COMMD10: variants seen among roughly 807,000 people sequenced by gnomAD.
COMMD10 encodes COMM domain containing 10.
COMMD10 carries 33 observed loss-of-function variants against 28.9 expected under a neutral mutation model. The observed-to-expected ratio is 1.14, with a 90% CI of 0.87 to 1.53. The LOEUF (loss-of-function observed/expected upper bound fraction) is 1.53, where lower values mean the gene tolerates loss of function less well. COMMD10 is among the 40% of genes most tolerant of loss of function. The pLI is 0.00. For missense variants in COMMD10, 310 were observed against 233.4 expected, an observed-to-expected ratio of 1.33 and a Z score of -2.14; for synonymous variants, 110 against 81.7, an observed-to-expected ratio of 1.35 and a Z score of -1.87.
intron 5 of COMMD10, among the ~76,000 whole-genome samples, chr5:116,230,600 C>T (rs1297250528): frequency 6.6e-6 from 1 of 151,876 alleles, no homozygotes; most frequent in Non-Finnish European, 1.5e-5. Flanking sequence ...CATGGGGTGC[C>T]TCCTGTAGTA....
intron 3 of COMMD10, 44 bp from the exon 4 acceptor site, chr5:116,092,501 A>G (rs771732405): frequency 1.4e-5 from 19 of 1,399,598 alleles, no homozygotes; most frequent in Non-Finnish European, 1.6e-5. Context: ...AAGTTTCAGT[A>G]TGAAGATGAG....
chr5:116,265,758 A>G (rs541994345), intron 5 of COMMD10, among the ~76,000 whole-genome samples: 2 of 151,864 alleles, frequency 1.3e-5, no homozygotes, highest in African/African-American at 4.8e-5. Context: ...CAGATGAGCC[A>G]TAGAATATTT....
intron 5 of COMMD10, among the ~76,000 whole-genome samples, chr5:116,202,783 T>G (rs1347318518): frequency 6.6e-6 from 1 of 151,544 alleles, no homozygotes; most frequent in African/African-American, 2.4e-5. Flanking sequence ...ATTCTGGATA[T>G]TAGCCCTTTG....
At position 116,251,730 on chromosome 5, in the gene COMMD10, T is replaced by C. The variant is rs1432123220; in HGVS notation, c.511-39787T>C. 7.9e-3 allele frequency among the ~76,000 whole-genome samples: 1,200 copies of C among 152,000 alleles called. 19 individuals carry two copies. The highest frequency in any genetic ancestry group is 0.027 in the African/African-American group (1,125 of 41,368). ...TGGGTTGGTTCCAAGTCTTTGCTAT[T>C]GTGAATAATGCCACAATAAACATAC... On this transcript the variant is annotated intron_variant, in intron 5 of 6. Coordinates refer to ENST00000274458, the MANE Select transcript of COMMD10 (RefSeq NM_016144.4).
intron 5 of COMMD10, among the ~76,000 whole-genome samples, chr5:116,206,075 T>C (rs1748804656): frequency 6.6e-6 from 1 of 152,200 alleles, no homozygotes; most frequent in East Asian, 1.9e-4. Flanking sequence ...AATTATTAGC[T>C]CACTGCTGAA....
At chr5:116,138,875 C>G (rs1349656164) in intron 5 of COMMD10, among the ~76,000 whole-genome samples, 1 of 151,652 alleles carries the variant, frequency 6.6e-6, no homozygotes. Context: ...AGTGTTTACT[C>G]TGTGCTACAC....
At chr5:116,175,045 T>C (rs1299205603) in intron 5 of COMMD10, among the ~76,000 whole-genome samples, 5 of 152,178 alleles carry the variant, frequency 3.3e-5, no homozygotes, top group Non-Finnish European at 5.9e-5. Context: ...TTGTGATCTT[T>C]CATAACTATT....
At chr5:116,183,820 C>T (rs1748053033) in intron 5 of COMMD10, among the ~76,000 whole-genome samples, 1 of 151,964 alleles carries the variant, frequency 6.6e-6, no homozygotes, top group Non-Finnish European at 1.5e-5. Flanking sequence ...CTACTGTGAC[C>T]ATATTCAGGT....
At chr5:116,128,558 T>C (rs1163189783) in intron 4 of COMMD10, among the ~76,000 whole-genome samples, 1 of 151,920 alleles carries the variant, frequency 6.6e-6, no homozygotes, top group Non-Finnish European at 1.5e-5. Context: ...CTATACTGGG[T>C]TTTATTTCAC....
chr5:116,206,223 A>G (rs550521114), intron 5 of COMMD10, among the ~76,000 whole-genome samples: 21 of 152,210 alleles, frequency 1.4e-4, no homozygotes, highest in Non-Finnish European at 2.4e-4. Context: ...GGCCAGCGGA[A>G]CTGTTTAAAC....
chr5:116,138,863 A>T (rs1410960198), intron 5 of COMMD10, among the ~76,000 whole-genome samples: 1 of 151,732 alleles, frequency 6.6e-6, no homozygotes, highest in Non-Finnish European at 1.5e-5. Flanking sequence ...GTTCTTTTTT[A>T]AAGTGTTTAC....
intron 5 of COMMD10, among the ~76,000 whole-genome samples, chr5:116,266,859 C>T (rs566568962): frequency 1.7e-4 from 26 of 151,886 alleles, no homozygotes; most frequent in African/African-American, 6.3e-4. Flanking sequence ...AAGATTATCT[C>T]AATAGATGCA....
intron 4 of COMMD10, among the ~76,000 whole-genome samples, chr5:116,112,683 CG>C (rs1271389172): frequency 6.6e-6 from 1 of 152,106 alleles, no homozygotes; most frequent in East Asian, 1.9e-4. Context: ...CATGAGCCAC[CG>C]CTATATGGCC....
chr5:116,201,609 T>C (rs1748669781), intron 5 of COMMD10, among the ~76,000 whole-genome samples: 1 of 152,174 alleles, frequency 6.6e-6, no homozygotes, highest in African/African-American at 2.4e-5. Context: ...ATCGTTGATT[T>C]TTCAGTTTGT....
At position 116,276,795 on chromosome 5, in the gene COMMD10, G is replaced by T. The variant is rs576814326; in HGVS notation, c.511-14722G>T. 2.6e-5 allele frequency among the ~76,000 whole-genome samples: 4 copies of T among 151,840 alleles called. No individual in the cohort carries two copies. In the East Asian group the frequency reaches 7.7e-4, roughly 29 times the overall value. On this transcript the variant is annotated intron_variant, in intron 5 of 6. Coordinates refer to ENST00000274458, the MANE Select transcript of COMMD10 (RefSeq NM_016144.4). ...TATATGATCCCATTTAAAATTGATAGGATTTCCAGAGTAAGCAAATCTGTT... is the reference window on the plus strand; with the variant it reads ...TATATGATCCCATTTAAAATTGATATGATTTCCAGAGTAAGCAAATCTGTT...
At chr5:116,212,395 TATTGGGGCTTTTTGCAGAGG>T (rs1258824903) in intron 5 of COMMD10, among the ~76,000 whole-genome samples, 1 of 151,902 alleles carries the variant, frequency 6.6e-6, no homozygotes, top group African/African-American at 2.4e-5. Flanking sequence ...AGTCCTTCTG[TATTGGGGCTTTTTGCAGAGG>T]ATTGGGGCTT....
chr5:116,120,724 G>C lies in COMMD10; in HGVS notation c.400-13344G>C, dbSNP rs1006034138. Among the ~76,000 whole-genome samples the C allele has an allele frequency of 7.6e-5, 11 of 144,256 alleles. No homozygotes were observed. The East Asian group carries it at 2.2e-3, about 29-fold the overall frequency. 94.6% of individuals were successfully genotyped at this position (144,256 alleles called of 152,430 possible). On this transcript the variant is annotated intron_variant, in intron 4 of 6. Coordinates refer to ENST00000274458, the MANE Select transcript of COMMD10 (RefSeq NM_016144.4). ...CACTGATTATAATGATTTTGAGACT[G>C]ATCATTTTGTTACTTGTATTAGTAC...
chr5:116,194,619 A>C (rs1205790098), intron 5 of COMMD10, among the ~76,000 whole-genome samples: 3 of 152,172 alleles, frequency 2.0e-5, no homozygotes, highest in Admixed American at 1.3e-4. Flanking sequence ...TGCTTACATC[A>C]GGAAGAATTG....
At chr5:116,144,664 G>C (rs1196662704) in intron 5 of COMMD10, among the ~76,000 whole-genome samples, 10 of 151,982 alleles carry the variant, frequency 6.6e-5, no homozygotes, top group African/African-American at 2.4e-4. Context: ...GAGAAGAATG[G>C]ACATGTGACT....
Sources: allele counts gnomAD v4.1 joint callset (sites outside exome capture counted in the v4.1 genomes callset), GRCh38; gene constraint gnomAD v4.1.1; transcripts MANE v1.5; gene names NCBI Gene and HGNC (gene_info 2026-07-23, HGNC 2026-07-21).